Variants in PDS5A observed in about 807,000 individuals in gnomAD.
The protein encoded by PDS5A is sister chromatid cohesion protein PDS5 homolog A.
Under a neutral mutation model 167.1 loss-of-function variants are expected in PDS5A, and 42 were observed. The ratio of observed to expected loss-of-function variants is 0.25; its 90% CI spans 0.20 to 0.33. The LOEUF (loss-of-function observed/expected upper bound fraction) is 0.33, where lower values mean the gene tolerates loss of function less well. Ranked by LOEUF, PDS5A falls within the 10% of genes least tolerant of loss-of-function variation. The probability of loss-of-function intolerance (pLI) is 1.00; values close to 1 mark genes in which losing one functional copy is unlikely to be tolerated. For missense variants in PDS5A, 1,033 were observed against 1,605.9 expected (o/e 0.64, Z 6.10); for synonymous variants, 553 against 554.6 (o/e 1.00, Z 0.04).
Position 39,825,381 on chromosome 4 carries a change from G to A in PDS5A, c.*104C>T. On this transcript the variant is annotated 3_prime_UTR_variant, in exon 33 of 33. Transcript: ENST00000303538. ...CAAGGCAGAGAGTGTGTGTTCTGAA[G>A]TGAGCTTCATTTTCTGTTCAGGGAC... is the stretch of plus-strand genomic sequence containing the variant. The A allele has an allele frequency of 1.1e-6, 1 of 901,098 alleles. No homozygotes were observed. Among genetic ancestry groups the A allele is most frequent in the South Asian group, 1.6e-5 (1 of 63,972 alleles). 55.8% of individuals were successfully genotyped at this position (901,098 alleles called of 1,614,324 possible).
Position 39,900,492 on chromosome 4 carries a change from C to T in PDS5A, c.1515G>A (p.Met505Ile). 1 of 1,576,820 alleles carries T rather than the reference C, an allele frequency of 6.3e-7. No homozygotes were observed. The highest frequency in any genetic ancestry group is 8.6e-7 in the Non-Finnish European group (1 of 1,158,538). ...TCCGAAGCATGTTCTGACACTTCCA[C>T]ATTTCGTTGAGAGCTCTGTAAAGTT... ...DPNAVKALNE[M>I]WKCQNMLRSH... Residue 505 changes from methionine (M) to isoleucine (I), a missense_variant, in exon 14 of 33, where the codon ATG becomes ATA. Coordinates refer to ENST00000303538, the MANE Select transcript of PDS5A (RefSeq NM_001100399.2).
chr4:39,873,285 A>C (rs973986813), intron 20 of PDS5A, 141 bp from the exon 21 acceptor site: 4 of 427,954 alleles, frequency 9.3e-6, no homozygotes, highest in Non-Finnish European at 1.6e-5. Context: ...ACTAACTTCA[A>C]CCATGTTAAG....
chr4:39,929,610 T>A (rs1266190373), intron 2 of PDS5A, among the ~76,000 whole-genome samples: 1 of 109,668 alleles, frequency 9.1e-6, no homozygotes, highest in African/African-American at 4.2e-5. Flanking sequence ...TTGGGGCGTG[T>A]GTGTGTGTGT....
At chr4:39,970,147 G>A (rs576217318) in intron 2 of PDS5A, among the ~76,000 whole-genome samples, 5 of 152,038 alleles carry the variant, frequency 3.3e-5, no homozygotes, top group Non-Finnish European at 5.9e-5. Context: ...ACCGCGCCCA[G>A]CCTGTAATGT....
At chr4:39,849,479 C>G in intron 27 of PDS5A, 41 bp downstream of exon 27, 5 of 897,282 alleles carry the variant, frequency 5.6e-6, no homozygotes, top group Non-Finnish European at 8.1e-6. Context: ...ATATATTTTT[C>G]TATTACATCT....
intron 32 of PDS5A, among the ~76,000 whole-genome samples, chr4:39,827,844 G>A (rs948560536): frequency 4.6e-5 from 7 of 152,160 alleles, no homozygotes; most frequent in Admixed American, 6.5e-5. Flanking sequence ...TTCCATTGAT[G>A]TTTATTGACA....
At chr4:39,891,952 A>G (rs1448352046) in intron 16 of PDS5A, among the ~76,000 whole-genome samples, 1 of 151,956 alleles carries the variant, frequency 6.6e-6, no homozygotes, top group Non-Finnish European at 1.5e-5. Flanking sequence ...CTACCAAAAA[A>G]TACAAAAAAT....
chr4:39,914,657 C>T (rs973042224), intron 8 of PDS5A, among the ~76,000 whole-genome samples: 7 of 152,218 alleles, frequency 4.6e-5, no homozygotes, highest in South Asian at 2.1e-4. Flanking sequence ...ACAGTATATG[C>T]GATAAAAATT....
intron 21 of PDS5A, 115 bp from the exon 22 acceptor site, chr4:39,869,577 C>T: frequency 1.4e-6 from 1 of 693,030 alleles, no homozygotes; most frequent in Non-Finnish European, 2.6e-6. Context: ...GGGAACATCA[C>T]CAACCAGAGC....
chr4:39,883,926 A>G (rs1578665049), intron 17 of PDS5A, among the ~76,000 whole-genome samples: 1 of 145,614 alleles, frequency 6.9e-6, no homozygotes, highest in Admixed American at 6.9e-5. Flanking sequence ...CACCACACCC[A>G]GCCTTCTCCT....
chr4:39,900,420 A>T lies in PDS5A; in HGVS notation c.1581+6T>A. On this transcript the variant is annotated splice_donor_region_variant and intron_variant, in intron 14 of 32. Coordinates refer to ENST00000303538, the MANE Select transcript of PDS5A (RefSeq NM_001100399.2). ...AACTATGAATTTAAACAAATCATGA[A>T]CCTACTGTAGGCTGCTTGTGCAAAT... The T allele has an allele frequency of 6.5e-7, 1 of 1,546,120 alleles. No homozygotes were observed. The highest frequency in any genetic ancestry group is 8.8e-7 in the Non-Finnish European group (1 of 1,134,032).
intron 19 of PDS5A, 33 bp downstream of exon 19, chr4:39,876,960 T>C (rs755951277): frequency 7.2e-6 from 11 of 1,532,612 alleles, no homozygotes; most frequent in Admixed American, 1.9e-5. Context: ...TTAGAAACTT[T>C]TGTATTTACC....
chr4:39,949,536 A>G (rs550921954), intron 2 of PDS5A, among the ~76,000 whole-genome samples: 7 of 152,106 alleles, frequency 4.6e-5, no homozygotes, highest in African/African-American at 1.7e-4. Flanking sequence ...TAACTGTTCT[A>G]AAACTGACTA....
At chr4:39,936,109 G>C (rs1447323190) in intron 2 of PDS5A, among the ~76,000 whole-genome samples, 1 of 152,164 alleles carries the variant, frequency 6.6e-6, no homozygotes, top group East Asian at 1.9e-4. Context: ...ACTTATGAGG[G>C]TGATAAGTTC....
intron 26 of PDS5A, among the ~76,000 whole-genome samples, chr4:39,861,405 C>T (rs1199015804): frequency 6.6e-6 from 1 of 151,960 alleles, no homozygotes; most frequent in African/African-American, 2.4e-5. Flanking sequence ...TTGCAGTGAG[C>T]CAAGATCGTG....
At chr4:39,959,199 C>T (rs1229629834) in intron 2 of PDS5A, among the ~76,000 whole-genome samples, 1 of 152,188 alleles carries the variant, frequency 6.6e-6, no homozygotes, top group Non-Finnish European at 1.5e-5. Flanking sequence ...CCCAGTGTCA[C>T]TTTCCCTTAC....
chr4:39,921,515 C>T (rs1032711418), intron 6 of PDS5A, among the ~76,000 whole-genome samples: 11 of 150,040 alleles, frequency 7.3e-5, no homozygotes, highest in South Asian at 2.1e-4. Context: ...ACGGGCAGAT[C>T]GCTTGAGCCC....
chr4:39,925,981 G>T (rs768079880), intron 4 of PDS5A, 48 bp from the exon 5 acceptor site: 2 of 549,580 alleles, frequency 3.6e-6, no homozygotes, highest in East Asian at 7.5e-5. Context: ...ATACAGAATA[G>T]TTATATAATA....
At chr4:39,973,607 C>G (rs1040717810) in intron 2 of PDS5A, 7 of 1,282,590 alleles carry the variant, frequency 5.5e-6, no homozygotes, top group Middle Eastern at 1.8e-4. Flanking sequence ...TTCTCCTTCC[C>G]GGAAGAAGCC....
Sources: allele counts gnomAD v4.1 joint callset (sites outside exome capture counted in the v4.1 genomes callset), GRCh38; gene constraint gnomAD v4.1.1; transcripts MANE v1.5; gene names NCBI Gene and HGNC (gene_info 2026-07-23, HGNC 2026-07-21).